The following TNIK variants were observed in gnomAD, a reference collection of about 807,000 sequenced individuals.
TNIK encodes the protein TRAF2 and NCK-interacting protein kinase.
TNIK carries 49 observed loss-of-function variants against 191.3 expected under a neutral mutation model. The ratio of observed to expected loss-of-function variants is 0.26; its 90% CI spans 0.20 to 0.32. The LOEUF is 0.32. Ranked by LOEUF, TNIK falls within the 10% of genes least tolerant of loss-of-function variation. The probability of loss-of-function intolerance (pLI) is 1.00; values close to 1 mark genes in which losing one functional copy is unlikely to be tolerated. For synonymous variants in TNIK, 594 were observed against 600.9 expected (o/e 0.99, Z 0.17); for missense variants, 1,155 against 1,702.3 (o/e 0.68, Z 5.66).
At chr3:171,129,351 C>T (rs985025014) in intron 15 of TNIK, among the ~76,000 whole-genome samples, 4 of 152,166 alleles carry the variant, frequency 2.6e-5, no homozygotes, top group African/African-American at 9.6e-5. Flanking sequence ...GTGCATGCAC[C>T]CTGCATTTCT....
In TNIK at chr3:171,403,325, G is replaced by C. The variant is rs73879552; in HGVS notation, c.58-33640C>G. Among the ~76,000 whole-genome samples the C allele has an allele frequency of 3.6e-3, 541 of 152,310 alleles. 2 individuals carry two copies. Among genetic ancestry groups the C allele is most frequent in the African/African-American group, 0.012 (517 of 41,574 alleles). On this transcript the variant is annotated intron_variant, in intron 1 of 32. Coordinates refer to ENST00000436636, the MANE Select transcript of TNIK (RefSeq NM_015028.4). ...ACAAGAGCTTTTGTCTTAGAAAAGGGGGTGAATGGCCGGGCACGGTGGCTC... is the reference window on the plus strand; with the variant it reads ...ACAAGAGCTTTTGTCTTAGAAAAGGCGGTGAATGGCCGGGCACGGTGGCTC...
intron 15 of TNIK, among the ~76,000 whole-genome samples, chr3:171,137,858 G>A (rs1232498233): frequency 6.6e-6 from 1 of 151,016 alleles, no homozygotes; most frequent in Admixed American, 6.6e-5. Context: ...CAACAAAAAG[G>A]TCACTAAAAA....
intron 2 of TNIK, chr3:171,346,957 G>T: frequency 1.9e-6 from 1 of 535,434 alleles, no homozygotes; most frequent in Non-Finnish European, 3.2e-6. Flanking sequence ...ATTTTAATAT[G>T]ACTTTACTGG....
chr3:171,358,737 TG>T (rs1714528439), intron 2 of TNIK, among the ~76,000 whole-genome samples: 1 of 152,126 alleles, frequency 6.6e-6, no homozygotes, highest in Admixed American at 6.5e-5. Flanking sequence ...CCTGCAGTTG[TG>T]GGGCGGTCAG....
At chr3:171,129,231 T>C (rs1310309971) in intron 15 of TNIK, among the ~76,000 whole-genome samples, 2 of 152,178 alleles carry the variant, frequency 1.3e-5, no homozygotes, top group Non-Finnish European at 2.9e-5. Context: ...GTTTGCACTC[T>C]AGACAATCAA....
intron 2 of TNIK, among the ~76,000 whole-genome samples, chr3:171,254,973 T>C (rs1746669467): frequency 6.6e-6 from 1 of 152,212 alleles, no homozygotes; most frequent in Non-Finnish European, 1.5e-5. Flanking sequence ...GGATTTAGCA[T>C]GTAGATTAAT....
At position 171,084,330 on chromosome 3, in the gene TNIK, G is replaced by C; in HGVS notation, c.2999-5C>G. 1.2e-6 allele frequency: 2 copies of C among 1,606,878 alleles called. No individual in the cohort carries two copies. Among genetic ancestry groups the C allele is most frequent in the Non-Finnish European group, 1.7e-6 (2 of 1,175,026 alleles). On this transcript the variant is annotated splice_region_variant and splice_polypyrimidine_tract_variant and intron_variant, in intron 25 of 32. Transcript: ENST00000436636. Reference sequence around the variant, plus strand: ...GAAGTTCGCTAGTAAACAGAGCTTTGAGAAAAAGAATCAGAGAAGTCAGTG... The same window carrying C: ...GAAGTTCGCTAGTAAACAGAGCTTTCAGAAAAAGAATCAGAGAAGTCAGTG...
At chr3:171,399,332 T>C (rs903037920) in intron 1 of TNIK, among the ~76,000 whole-genome samples, 2 of 152,176 alleles carry the variant, frequency 1.3e-5, no homozygotes, top group African/African-American at 2.4e-5. Flanking sequence ...GCAAATTCCC[T>C]TGGACCCTGA....
In TNIK at chr3:171,224,983, T is replaced by C. The variant is rs900212249; in HGVS notation, c.180+3182A>G. Among the ~76,000 whole-genome samples, 8 of 152,158 alleles carry C rather than the reference T, an allele frequency of 5.3e-5. No homozygotes were observed. In the East Asian group the frequency reaches 1.3e-3, roughly 26 times the overall value. ...GTTTTATACCAAAAAGGAAGTGATA[T>C]AGAATAAAAACAATAATTTAAAAAT... On this transcript the variant is annotated intron_variant, in intron 3 of 32. Coordinates refer to ENST00000436636, the MANE Select transcript of TNIK (RefSeq NM_015028.4).
chr3:171,231,343 C>T (rs1743620212), intron 2 of TNIK, among the ~76,000 whole-genome samples: 1 of 148,884 alleles, frequency 6.7e-6, no homozygotes, highest in Non-Finnish European at 1.5e-5. Context: ...TTTTAAGTAG[C>T]CACTATGAAA....
chr3:171,412,487 T>A (rs1722536512), intron 1 of TNIK, among the ~76,000 whole-genome samples: 1 of 152,214 alleles, frequency 6.6e-6, no homozygotes, highest in Non-Finnish European at 1.5e-5. Flanking sequence ...AAGCAATCAT[T>A]TTTAAAAATC....
intron 7 of TNIK, among the ~76,000 whole-genome samples, chr3:171,187,976 A>G (rs547662557): frequency 6.6e-6 from 1 of 152,328 alleles, no homozygotes; most frequent in East Asian, 1.9e-4. Flanking sequence ...ACTTTCAGTC[A>G]CCATTCATTA....
In TNIK at chr3:171,421,468, C is replaced by A. The variant is rs1723785832; in HGVS notation, c.57+38539G>T. ...GCCTGTGTATAAGGGAGCTGTGATC[C>A]AACTTGGATACATACTTTCCTTCTG... On this transcript the variant is annotated intron_variant, in intron 1 of 32. Coordinates refer to ENST00000436636, the MANE Select transcript of TNIK (RefSeq NM_015028.4). 3.3e-5 allele frequency among the ~76,000 whole-genome samples: 5 copies of A among 152,180 alleles called. No homozygotes were observed. In the South Asian group the frequency reaches 1.0e-3, roughly 32 times the overall value.
chr3:171,072,678 A>G (rs1197072334), intron 28 of TNIK, among the ~76,000 whole-genome samples: 2 of 152,144 alleles, frequency 1.3e-5, no homozygotes, highest in African/African-American at 2.4e-5. Flanking sequence ...AAAACCCTAA[A>G]GATTCCTCCA....
At chr3:171,252,666 T>C (rs1046932939) in intron 2 of TNIK, among the ~76,000 whole-genome samples, 4 of 152,210 alleles carry the variant, frequency 2.6e-5, no homozygotes, top group African/African-American at 7.2e-5. Context: ...TTGCATAGCA[T>C]TGGTTCTTTG....
rs79783622 is a variant in TNIK at position 171,242,233 on chromosome 3, T to C, written c.124-14012A>G. Among the ~76,000 whole-genome samples, 52 of 151,298 alleles carry C rather than the reference T, an allele frequency of 3.4e-4. No homozygotes were observed. The East Asian group carries it at 9.3e-3, about 27-fold the overall frequency. On this transcript the variant is annotated intron_variant, in intron 2 of 32. Transcript: ENST00000436636. ...TTTGATCCTCTTTCCCTGACATAAA[T>C]ATGGAAAGACGGAAAATTTGCCTAA... is the stretch of plus-strand genomic sequence containing the variant.
intron 4 of TNIK, among the ~76,000 whole-genome samples, chr3:171,195,644 T>G (rs1056450894): frequency 6.6e-6 from 1 of 152,192 alleles, no homozygotes; most frequent in Admixed American, 6.5e-5. Flanking sequence ...TTTCTTTTTC[T>G]TTGTATACCT....
chr3:171,287,189 C>G (rs1451183830), intron 2 of TNIK, among the ~76,000 whole-genome samples: 1 of 151,596 alleles, frequency 6.6e-6, no homozygotes, highest in Non-Finnish European at 1.5e-5. Flanking sequence ...CTGAAAAACT[C>G]AAAACAAAAC....
At chr3:171,149,904 C>T (rs749735613) in intron 12 of TNIK, among the ~76,000 whole-genome samples, 4 of 152,178 alleles carry the variant, frequency 2.6e-5, no homozygotes, top group Non-Finnish European at 5.9e-5. Context: ...ACTGGGACAC[C>T]TGTGGTTAAT....
Sources: gnomAD v4.1 joint callset for allele counts (sites outside exome capture counted in the v4.1 genomes callset) on GRCh38, gnomAD v4.1.1 for gene constraint, MANE v1.5 for transcripts, NCBI Gene and HGNC (gene_info 2026-07-23, HGNC 2026-07-21) for gene names.